The following RHPN1 variants were observed in gnomAD, a reference collection of about 807,000 sequenced individuals.
The protein encoded by RHPN1 is rhophilin Rho GTPase binding protein 1.
Under a neutral mutation model 74.7 loss-of-function variants are expected in RHPN1, and 77 were observed. That is an observed-to-expected ratio of 1.03 (90% CI 0.86 to 1.25). The LOEUF (loss-of-function observed/expected upper bound fraction) is 1.25. Among genes scored for constraint, RHPN1 ranks in the 50% most tolerant of loss-of-function variants. The pLI is 0.00. For synonymous variants in RHPN1, 444 were observed against 414.5 expected, an observed-to-expected ratio of 1.07 and a Z score of -0.87; for missense variants, 987 against 932.2, an observed-to-expected ratio of 1.06 and a Z score of -0.77.
chr8:143,377,679 G>C (rs1818374374), intron 4 of RHPN1, among the ~76,000 whole-genome samples: 1 of 152,176 alleles, frequency 6.6e-6, no homozygotes, highest in South Asian at 2.1e-4. Flanking sequence ...GGCCGGGGCT[G>C]ATCCCATAGA....
chr8:143,380,951 C>G (rs188982338), intron 11 of RHPN1, among the ~76,000 whole-genome samples, 168 bp downstream of exon 11: 20 of 152,380 alleles, frequency 1.3e-4, no homozygotes, highest in African/African-American at 4.6e-4. Context: ...CTGCTGGGCC[C>G]TTCAGGGGCC....
upstream of RHPN1, chr8:143,367,425 G>C (rs1489490529): frequency 6.6e-6 from 1 of 152,428 alleles, no homozygotes. Context: ...GAGCCCAGGA[G>C]GTGGAGGCTG....
At chr8:143,379,144 A>T in intron 7 of RHPN1, 66 bp downstream of exon 7, 1 of 1,434,234 alleles carries the variant, frequency 7.0e-7, no homozygotes, top group Middle Eastern at 2.5e-4. Flanking sequence ...CCCCTTTTGC[A>T]GGGCAGGAGC....
chr8:143,382,733 C>G lies in RHPN1; in HGVS notation c.*82C>G. 1.7e-6 allele frequency: 2 copies of G among 1,190,098 alleles called. No homozygotes were observed. The highest frequency in any genetic ancestry group is 1.4e-5 in the South Asian group (1 of 71,166). 73.7% of individuals were successfully genotyped at this position (1,190,098 alleles called of 1,614,324 possible). On this transcript the variant is annotated 3_prime_UTR_variant, in exon 15 of 15. Transcript: ENST00000289013. Reference sequence around the variant, plus strand: ...ATGCCCTCCCCACCCAGAGGACCTCCGGGCAATGCCTGTCCCGCCTCATGC... The same window carrying G: ...ATGCCCTCCCCACCCAGAGGACCTCGGGGCAATGCCTGTCCCGCCTCATGC...
Position 143,374,464 on chromosome 8 carries a change from G to A in RHPN1, c.61-1089G>A, listed in dbSNP as rs1312861312. Among the ~76,000 whole-genome samples, 3 of 152,252 alleles carry A rather than the reference G, an allele frequency of 2.0e-5. No homozygotes were observed. In the South Asian group the frequency reaches 6.2e-4, roughly 31 times the overall value. ...GGTTGGCCACGCCTGACTCAGACCA[G>A]GCTCGCCCCAGGGCTGGGTGGGAGT... On this transcript the variant is annotated intron_variant, in intron 1 of 14. Coordinates refer to ENST00000289013, the MANE Select transcript of RHPN1 (RefSeq NM_052924.3).
rs1331783993 is a variant in RHPN1 at position 143,380,725 on chromosome 8, T to C, written c.1353T>C (p.Tyr451=). ...SQTLQRSLAK[Y]AELDREDDFC... is the part of the protein sequence containing the mutation. The stretch of plus-strand genomic sequence containing the variant: ...CGCTGCAGCGCTCACTGGCCAAGTA[T>C]GCGGAGCTCGACCGTGAGGATGACT... The change falls in exon 11 of 15, where the codon TAT becomes TAC. Residue 451 remains tyrosine, a synonymous_variant. Coordinates refer to ENST00000289013, the MANE Select transcript of RHPN1 (RefSeq NM_052924.3). 1 of 1,595,542 alleles carries C rather than the reference T, an allele frequency of 6.3e-7. No homozygotes were observed. Among genetic ancestry groups the C allele is most frequent in the East Asian group, 2.3e-5 (1 of 44,054 alleles).
At chr8:143,369,725 T>C (rs1490100221) in intron 1 of RHPN1, among the ~76,000 whole-genome samples, 3 of 152,218 alleles carry the variant, frequency 2.0e-5, no homozygotes, top group Non-Finnish European at 2.9e-5. Context: ...CCAGTCCTCC[T>C]GCCAGGCCCT....
chr8:143,381,234 C>CT, intron 11 of RHPN1, 34 bp from the exon 12 acceptor site: 1 of 1,585,086 alleles, frequency 6.3e-7, no homozygotes, highest in Non-Finnish European at 8.6e-7. Flanking sequence ...TCTCCACAGT[C>CT]TCCCAGCTTA....
chr8:143,372,085 A>C (rs1407340313), intron 1 of RHPN1, among the ~76,000 whole-genome samples: 1 of 152,066 alleles, frequency 6.6e-6, no homozygotes, highest in Non-Finnish European at 1.5e-5. Context: ...GTGGGGCTCC[A>C]AGGGGCCAGG....
intron 4 of RHPN1, among the ~76,000 whole-genome samples, chr8:143,377,968 G>A (rs1377943110): frequency 2.0e-5 from 3 of 152,220 alleles, no homozygotes; most frequent in Non-Finnish European, 4.4e-5. Context: ...ATAAGGAAAC[G>A]CACGTAAAAG....
At chr8:143,370,595 A>G (rs1228895896) in intron 1 of RHPN1, among the ~76,000 whole-genome samples, 1 of 152,230 alleles carries the variant, frequency 6.6e-6, no homozygotes. Flanking sequence ...CCCAGGCGTG[A>G]TGAGAGCAGG....
At chr8:143,366,250 G>C (rs1361019839), upstream of RHPN1, among the ~76,000 whole-genome samples, 2 of 152,052 alleles carry the variant, frequency 1.3e-5, no homozygotes, top group Admixed American at 6.6e-5. Flanking sequence ...TCCCGCCGCT[G>C]TCCAGTTCCC....
chr8:143,376,431 C>G lies in RHPN1; in HGVS notation c.177-94C>G. Reference sequence around the variant, plus strand: ...CGTCCTCTGCAGGGTGGGCTTGGAGCTTTGACAGGTCAGCTGGCAGGACGG... The same window carrying G: ...CGTCCTCTGCAGGGTGGGCTTGGAGGTTTGACAGGTCAGCTGGCAGGACGG... On this transcript the variant is annotated intron_variant, in intron 2 of 14. Transcript: ENST00000289013. 2.6e-6 allele frequency: 4 copies of G among 1,542,196 alleles called. No individual in the cohort carries two copies. In the South Asian group the frequency reaches 4.8e-5, roughly 18 times the overall value.
At chr8:143,382,003 G>C in intron 14 of RHPN1, 35 bp downstream of exon 14, 2 of 1,535,612 alleles carry the variant, frequency 1.3e-6, no homozygotes, top group Non-Finnish European at 1.8e-6. Context: ...GCGGTCCCCA[G>C]CTTGCTGTCA....
At position 143,381,622 on chromosome 8, in the gene RHPN1, C is replaced by T. The variant is rs751232345; in HGVS notation, c.1539C>T (p.Pro513=). 1.4e-5 allele frequency: 23 copies of T among 1,610,276 alleles called. No individual in the cohort carries two copies. Among genetic ancestry groups the T allele is most frequent in the East Asian group, 6.7e-5 (3 of 44,860 alleles). The change falls in exon 13 of 15, where the codon CCC becomes CCT. Residue 513 remains proline, a synonymous_variant. Transcript: ENST00000289013. ...AGAACCGGTGGCGGCTGGTGGGGCC[C>T]GTCCACCTGACCCGAGGAGAGGGCG... ...SAKNRWRLVG[P]VHLTRGEGGF... is the part of the protein sequence containing the mutation.
chr8:143,379,651 T>A, intron 8 of RHPN1, 143 bp downstream of exon 8: 1 of 1,443,686 alleles, frequency 6.9e-7, no homozygotes, highest in Non-Finnish European at 9.1e-7. Flanking sequence ...CTGGGGGGGC[T>A]GGTCAGGAAC....
At chr8:143,375,734 A>C in intron 2 of RHPN1, 66 bp downstream of exon 2, 2 of 1,236,068 alleles carry the variant, frequency 1.6e-6, no homozygotes, top group Non-Finnish European at 1.1e-6. Context: ...CAGGACAGCC[A>C]CGCAGGCAGA....
Position 143,378,356 on chromosome 8 carries a change from T to TCGGGGGGGGGGGGCCCC in RHPN1, c.459+11_459+12insGGGGGGGGGGGGCCCCC. The stretch of plus-strand genomic sequence containing the variant: ...GGAGGCCCTGCGGCAGGTGTGTGGT[T>TCGGGGGGGGGGGGCCCC]CCCCCGCCCACCCACCCTCCTGCAG... On this transcript the variant is annotated intron_variant, in intron 5 of 14. Coordinates refer to ENST00000289013, the MANE Select transcript of RHPN1 (RefSeq NM_052924.3). 1 of 1,525,432 alleles carries TCGGGGGGGGGGGGCCCC rather than the reference T, an allele frequency of 6.6e-7. No individual in the cohort carries two copies. Among genetic ancestry groups the TCGGGGGGGGGGGGCCCC allele is most frequent in the Non-Finnish European group, 8.8e-7 (1 of 1,136,346 alleles). 94.5% of individuals were successfully genotyped at this position (1,525,432 alleles called of 1,614,324 possible). A position where few individuals can be genotyped will look rare whatever the true frequency, so the allele number is the denominator to read the frequency against.
chr8:143,378,307 C>A lies in RHPN1; in HGVS notation c.420C>A (p.Ser140=). 1 of 1,570,722 alleles carries A rather than the reference C, an allele frequency of 6.4e-7. No homozygotes were observed. The highest frequency in any genetic ancestry group is 2.4e-5 in the East Asian group (1 of 42,306). The part of the protein sequence containing the change: ...ISVHFGEDGA[S]YEAEIRELEA... Reference sequence around the variant, plus strand: ...TGCACTTTGGAGAGGACGGCGCCTCCTACGAGGCAGAAATCAGGGAGCTGG... The same window carrying A: ...TGCACTTTGGAGAGGACGGCGCCTCATACGAGGCAGAAATCAGGGAGCTGG... The change falls in exon 5 of 15, where the codon TCC becomes TCA. Residue 140 remains serine (S), a synonymous_variant. Coordinates refer to ENST00000289013, the MANE Select transcript of RHPN1 (RefSeq NM_052924.3).
Sources: gnomAD v4.1 joint callset for allele counts (sites outside exome capture counted in the v4.1 genomes callset) on GRCh38, gnomAD v4.1.1 for gene constraint, MANE v1.5 for transcripts, NCBI Gene and HGNC (gene_info 2026-07-23, HGNC 2026-07-21) for gene names.